NPLOC4: variants seen among roughly 807,000 people sequenced by gnomAD.
NPLOC4 encodes the protein nuclear protein localization protein 4 homolog.
Under a neutral mutation model 80.6 loss-of-function variants are expected in NPLOC4, and 18 were observed. The observed-to-expected ratio is 0.22, with a 90% CI of 0.15 to 0.33. The LOEUF is 0.33. Among genes scored for constraint, NPLOC4 ranks in the 10% least tolerant of loss-of-function variants. The probability of loss-of-function intolerance (pLI) is 1.00; values close to 1 mark genes in which losing one functional copy is unlikely to be tolerated. For missense variants in NPLOC4, 540 were observed against 786.1 expected (o/e 0.69, Z 3.74); for synonymous variants, 313 against 301.5 (o/e 1.04, Z -0.39).
chr17:81,630,696 T>A (rs1045625480), intron 1 of NPLOC4, among the ~76,000 whole-genome samples: 3 of 151,362 alleles, frequency 2.0e-5, no homozygotes, highest in Non-Finnish European at 4.4e-5. Flanking sequence ...GTGGGCAACA[T>A]GGGGAAACCC....
intron 3 of NPLOC4, among the ~76,000 whole-genome samples, chr17:81,615,230 G>C (rs2035448798): frequency 6.6e-6 from 1 of 151,190 alleles, no homozygotes; most frequent in Non-Finnish European, 1.5e-5. Context: ...CTCCCAAGTA[G>C]CTGGGATTAC....
chr17:81,623,464 CAAAAA>C lies in NPLOC4; in HGVS notation c.97-1191_97-1187del, dbSNP rs60092546. 1.6e-3 allele frequency among the ~76,000 whole-genome samples: 131 copies of C among 82,614 alleles called. 2 individuals are homozygous for C. The highest frequency in any genetic ancestry group is 5.2e-3 in the African/African-American group (108 of 20,794). The allele number at this position is 82,614 out of a possible 152,430, so 54.2% of individuals were successfully genotyped here. The stretch of plus-strand genomic sequence containing the variant: ...TGGGTGACAGAGCAAGACTTTGTTT[CAAAAA>C]AAAAAAAAAAAAAAAGCAAAACTCT... On this transcript the variant is annotated intron_variant, in intron 2 of 16. Coordinates refer to ENST00000331134, the MANE Select transcript of NPLOC4 (RefSeq NM_017921.4).
rs1555680405 is a variant in NPLOC4 at position 81,581,375 on chromosome 17, A to AAAAAAAAAAAAAAAAAAAAAAAAAAGTC, written c.1281+7568_1281+7569insGACTTTTTTTTTTTTTTTTTTTTTTTTT. ...AAAAAAAAAAAAAAAAAAAAAAAAA[A>AAAAAAAAAAAAAAAAAAAAAAAAAAGTC]AGTTAATAAAATCACCATGTCACAA... On this transcript the variant is annotated intron_variant, in intron 12 of 16. Coordinates refer to ENST00000331134, the MANE Select transcript of NPLOC4 (RefSeq NM_017921.4). Among the ~76,000 whole-genome samples the AAAAAAAAAAAAAAAAAAAAAAAAAAGTC allele has an allele frequency of 6.9e-5, 5 of 72,810 alleles. 1 individual carries two copies. Among genetic ancestry groups the AAAAAAAAAAAAAAAAAAAAAAAAAAGTC allele is most frequent in the African/African-American group, 9.5e-5 (2 of 21,076 alleles). 47.8% of individuals were successfully genotyped at this position (72,810 alleles called of 152,430 possible).
At chr17:81,581,488 T>C (rs1363220816) in intron 12 of NPLOC4, among the ~76,000 whole-genome samples, 2 of 151,554 alleles carry the variant, frequency 1.3e-5, no homozygotes, top group South Asian at 2.1e-4. Context: ...CAATTCTCCC[T>C]GCCCCAGAGG....
At position 81,557,111 on chromosome 17, in the gene NPLOC4, C is replaced by T. The variant is rs1457702754; in HGVS notation, c.*2148G>A. The stretch of plus-strand genomic sequence containing the variant: ...CTGGGCAGGTGTGCACCCAGTCACC[C>T]CCACTGGATTATGGTGCTGGTAGCA... On this transcript the variant is annotated 3_prime_UTR_variant, in exon 17 of 17. Coordinates refer to ENST00000331134, the MANE Select transcript of NPLOC4 (RefSeq NM_017921.4). 1.3e-5 allele frequency: 2 copies of T among 152,224 alleles called. No individual in the cohort carries two copies. The highest frequency in any genetic ancestry group is 2.9e-5 in the Non-Finnish European group (2 of 68,066). 9.4% of individuals were successfully genotyped at this position (152,224 alleles called of 1,614,324 possible). A position where few individuals can be genotyped will look rare whatever the true frequency, so the allele number is the denominator to read the frequency against.
chr17:81,585,600 G>A (rs1216877689), intron 12 of NPLOC4, among the ~76,000 whole-genome samples: 1 of 148,748 alleles, frequency 6.7e-6, no homozygotes, highest in Non-Finnish European at 1.5e-5. Context: ...GGCAGAGGTT[G>A]CAGTGAGCCG....
At chr17:81,594,351 T>C (rs1017366874) in intron 11 of NPLOC4, among the ~76,000 whole-genome samples, 14 of 149,980 alleles carry the variant, frequency 9.3e-5, no homozygotes, top group Non-Finnish European at 1.8e-4. Flanking sequence ...GTATTAATTA[T>C]TAACATAATT....
At chr17:81,605,001 C>A (rs1344629113) in intron 7 of NPLOC4, among the ~76,000 whole-genome samples, 2 of 152,098 alleles carry the variant, frequency 1.3e-5, no homozygotes, top group East Asian at 3.9e-4. Context: ...TGGCTCACGC[C>A]TGTAATCCCA....
At chr17:81,593,692 C>G (rs933398956) in intron 11 of NPLOC4, among the ~76,000 whole-genome samples, 1 of 151,826 alleles carries the variant, frequency 6.6e-6, no homozygotes, top group Non-Finnish European at 1.5e-5. Context: ...GATGTGACAC[C>G]GAGAAGAGTA....
At chr17:81,597,656 GCC>G (rs2034950124) in intron 9 of NPLOC4, among the ~76,000 whole-genome samples, 1 of 152,056 alleles carries the variant, frequency 6.6e-6, no homozygotes, top group Non-Finnish European at 1.5e-5. Context: ...GGTGGCGCAT[GCC>G]TGTAATCCCA....
At chr17:81,596,379 G>A (rs12451716) in intron 10 of NPLOC4, 137 bp from the exon 11 acceptor site, 114,110 of 958,022 alleles carry the variant, frequency 0.12, 7,828 homozygotes, top group Admixed American at 0.26. Context: ...AGGTGGAGGC[G>A]GGAGGTCCAC....
intron 16 of NPLOC4, among the ~76,000 whole-genome samples, chr17:81,561,547 G>A (rs561305552): frequency 1.3e-5 from 2 of 152,044 alleles, no homozygotes; most frequent in South Asian, 2.1e-4. Flanking sequence ...GAATCTTTGC[G>A]TACCCCAAGG....
chr17:81,579,928 G>A (rs759906927), intron 12 of NPLOC4, among the ~76,000 whole-genome samples: 2 of 151,320 alleles, frequency 1.3e-5, no homozygotes, highest in South Asian at 4.2e-4. Flanking sequence ...GCTCACTCTC[G>A]GCAGCCGCTT....
chr17:81,584,909 A>G (rs11868361), intron 12 of NPLOC4, among the ~76,000 whole-genome samples: 34,837 of 151,962 alleles, frequency 0.23, 4,261 homozygotes, highest in Middle Eastern at 0.3. Context: ...GCTCACGCCT[A>G]TAATCCTAGC....
intron 8 of NPLOC4, among the ~76,000 whole-genome samples, chr17:81,600,682 T>C (rs1379326088): frequency 1.3e-5 from 2 of 152,224 alleles, no homozygotes; most frequent in Non-Finnish European, 2.9e-5. Context: ...TGCACAGCTC[T>C]GCATCAGGAG....
intron 12 of NPLOC4, among the ~76,000 whole-genome samples, chr17:81,578,607 A>G (rs1480734149): frequency 6.6e-6 from 1 of 152,190 alleles, no homozygotes; most frequent in Non-Finnish European, 1.5e-5. Context: ...GAAGCAAGGC[A>G]CCTTCTTCAC....
chr17:81,563,587 A>AG (rs1170446003), intron 16 of NPLOC4: 1 of 207,858 alleles, frequency 4.8e-6, no homozygotes, highest in Non-Finnish European at 9.9e-6. Flanking sequence ...GAAACAAAAA[A>AG]GAAAAAAAAA....
chr17:81,637,082 G>A lies in NPLOC4; in HGVS notation c.-152C>T. 2.7e-6 allele frequency: 1 copy of A among 371,120 alleles called. No individual in the cohort carries two copies. The highest frequency in any genetic ancestry group is 4.5e-6 in the Non-Finnish European group (1 of 220,278). 23.0% of individuals were successfully genotyped at this position (371,120 alleles called of 1,614,324 possible). ...CAGCTTCGCCCGCCCGGCTCCGCCAGCCGCCGACGTCCCGGTGCCTCGCTC... is the reference window on the plus strand; with the variant it reads ...CAGCTTCGCCCGCCCGGCTCCGCCAACCGCCGACGTCCCGGTGCCTCGCTC... On this transcript the variant is annotated 5_prime_UTR_variant, in exon 1 of 17. Transcript: ENST00000331134.
Position 81,577,560 on chromosome 17 carries a change from C to G in NPLOC4, c.1282-5472G>C, listed in dbSNP as rs2034334864. 6.6e-6 allele frequency among the ~76,000 whole-genome samples: 1 copy of G among 152,134 alleles called. No homozygotes were observed. Among genetic ancestry groups the G allele is most frequent in the Non-Finnish European group, 1.5e-5 (1 of 68,046 alleles). ...GAACCACGGCTTGGCTCATCTACTT[C>G]TGGGTTAATTTAGGCTTTCTCCACA... On this transcript the variant is annotated intron_variant, in intron 12 of 16. Coordinates refer to ENST00000331134, the MANE Select transcript of NPLOC4 (RefSeq NM_017921.4). This position sits in a 1 kb window ranked among gnomAD's most constrained non-coding sequence, Gnocchi z 4.3.
Sources: allele counts gnomAD v4.1 joint callset (sites outside exome capture counted in the v4.1 genomes callset), GRCh38; gene constraint gnomAD v4.1.1; non-coding constraint Gnocchi (gnomAD v3.1); transcripts MANE v1.5; gene names NCBI Gene and HGNC (gene_info 2026-07-23, HGNC 2026-07-21).